MVB12B: variants seen among roughly 807,000 people sequenced by gnomAD.
MVB12B encodes ESCRT-I complex subunit MVB12B.
A neutral mutation model predicts 41.6 loss-of-function variants in MVB12B; 16 were observed. That is an observed-to-expected ratio of 0.38 (90% CI 0.26 to 0.58). MVB12B has a LOEUF of 0.58. MVB12B is among the 20% of genes least tolerant of loss of function. The probability of loss-of-function intolerance (pLI) is 0.62; values close to 1 mark genes in which losing one functional copy is unlikely to be tolerated. For synonymous variants in MVB12B, 133 were observed against 139.7 expected, an observed-to-expected ratio of 0.95 and a Z score of 0.34; for missense variants, 274 against 380.2, an observed-to-expected ratio of 0.72 and a Z score of 2.32.
intron 7 of MVB12B, among the ~76,000 whole-genome samples, chr9:126,453,692 G>A (rs1325628737): frequency 2.6e-5 from 4 of 152,180 alleles, no homozygotes; most frequent in Admixed American, 2.0e-4. Context: ...GCGTTACGTG[G>A]CACATGCATA....
chr9:126,431,613 C>T (rs1014128055), intron 7 of MVB12B, among the ~76,000 whole-genome samples: 1 of 152,150 alleles, frequency 6.6e-6, no homozygotes, highest in Non-Finnish European at 1.5e-5. Context: ...CTTTCCTTCT[C>T]TTTTTGGTTT....
intron 2 of MVB12B, among the ~76,000 whole-genome samples, chr9:126,347,077 A>G (rs1829611816): frequency 6.6e-6 from 1 of 152,258 alleles, no homozygotes; most frequent in Non-Finnish European, 1.5e-5. Context: ...TGTTAAAGGT[A>G]GGAAAGTGTC....
At chr9:126,344,179 G>T (rs1829527404) in intron 2 of MVB12B, among the ~76,000 whole-genome samples, 1 of 152,132 alleles carries the variant, frequency 6.6e-6, no homozygotes, top group Non-Finnish European at 1.5e-5. Context: ...TAGGAGCTGG[G>T]GAGACAGCGA....
rs1199284971 is a variant in MVB12B, at chr9:126,391,413, C to T, written c.410-653C>T. ...CCAGATGCAGACAGACTGGAGAAAA[C>T]GTGGATGTAGACTCTCTGTTGGATG... On this transcript the variant is annotated intron_variant, in intron 4 of 9. Coordinates refer to ENST00000361171, the MANE Select transcript of MVB12B (RefSeq NM_033446.3). This position sits in a 1 kb window ranked among gnomAD's most constrained non-coding sequence, Gnocchi z 4.4. 6.6e-6 allele frequency among the ~76,000 whole-genome samples: 1 copy of T among 152,138 alleles called. No homozygotes were observed. Among genetic ancestry groups the T allele is most frequent in the Non-Finnish European group, 1.5e-5 (1 of 68,020 alleles).
rs990032258 is a variant in MVB12B, at chr9:126,385,139, C to T, written c.313-1423C>T. Among the ~76,000 whole-genome samples, 4 of 152,238 alleles carry T rather than the reference C, an allele frequency of 2.6e-5. No homozygotes were observed. The East Asian group carries it at 7.7e-4, about 29-fold the overall frequency. ...GGCATGAGCAACAGCGCCCGGCCTC[C>T]AGTTCGATTTGTGACTCTGAGTGGC... is the stretch of plus-strand genomic sequence containing the variant. On this transcript the variant is annotated intron_variant, in intron 3 of 9. Coordinates refer to ENST00000361171, the MANE Select transcript of MVB12B (RefSeq NM_033446.3).
At chr9:126,350,454 TATAGTTTTAC>T in intron 2 of MVB12B, among the ~76,000 whole-genome samples, 1 of 152,368 alleles carries the variant, frequency 6.6e-6, no homozygotes, top group South Asian at 2.1e-4. Context: ...CTACAACTTT[TATAGTTTTAC>T]ATTAACACTT....
At chr9:126,332,217 G>C (rs1829150778) in intron 1 of MVB12B, among the ~76,000 whole-genome samples, 1 of 151,974 alleles carries the variant, frequency 6.6e-6, no homozygotes, top group Non-Finnish European at 1.5e-5. Context: ...ACCTTTCCCT[G>C]CGTCACCAGG....
chr9:126,462,554 G>A (rs1833111526), intron 7 of MVB12B, among the ~76,000 whole-genome samples: 1 of 152,174 alleles, frequency 6.6e-6, no homozygotes, highest in Non-Finnish European at 1.5e-5. Context: ...AGGAACAAGT[G>A]CTTATTATAC....
Position 126,376,298 on chromosome 9 carries a change from A to G in MVB12B, c.205-4766A>G. 2.8e-6 allele frequency: 1 copy of G among 351,976 alleles called. No homozygotes were observed. Among genetic ancestry groups the G allele is most frequent in the Non-Finnish European group, 5.6e-6 (1 of 177,082 alleles). 21.8% of individuals were successfully genotyped at this position (351,976 alleles called of 1,614,324 possible). A position where few individuals can be genotyped will look rare whatever the true frequency, so the allele number is the denominator to read the frequency against. On this transcript the variant is annotated intron_variant, in intron 2 of 9. Coordinates refer to ENST00000361171, the MANE Select transcript of MVB12B (RefSeq NM_033446.3). The surrounding 1 kb of genome is among the most constrained non-coding windows in gnomAD (Gnocchi z 4.1). Reference sequence around the variant, plus strand: ...CTCATCCCTCTGAGGATTTAATTACAGACTGGGTTCTCTGTCCTGAGCCGG... The same window carrying G: ...CTCATCCCTCTGAGGATTTAATTACGGACTGGGTTCTCTGTCCTGAGCCGG...
At chr9:126,457,520 A>G (rs555676053) in intron 7 of MVB12B, among the ~76,000 whole-genome samples, 1 of 152,066 alleles carries the variant, frequency 6.6e-6, no homozygotes, top group African/African-American at 2.4e-5. Context: ...TTATTTTTTT[A>G]AATTATTTTA....
intron 7 of MVB12B, among the ~76,000 whole-genome samples, chr9:126,458,782 CAG>C (rs775077498): frequency 2.2e-4 from 33 of 152,154 alleles, no homozygotes; most frequent in Non-Finnish European, 8.8e-5. Context: ...AGTCATTACT[CAG>C]GGAAGCACAG....
chr9:126,436,340 G>A lies in MVB12B; in HGVS notation c.757+14392G>A, dbSNP rs1242666571. 6.6e-6 allele frequency among the ~76,000 whole-genome samples: 1 copy of A among 152,168 alleles called. No individual in the cohort carries two copies. The highest frequency in any genetic ancestry group is 2.4e-5 in the African/African-American group (1 of 41,432). On this transcript the variant is annotated intron_variant, in intron 7 of 9. Transcript: ENST00000361171. This position sits in a 1 kb window ranked among gnomAD's most constrained non-coding sequence, Gnocchi z 4.1. ...TTAGGAACACTCTTAGGTTTTAATT[G>A]GATTGGGAAAAAGAACCTACAAGTT...
chr9:126,328,729 T>A (rs1829048661), intron 1 of MVB12B, among the ~76,000 whole-genome samples: 2 of 152,134 alleles, frequency 1.3e-5, no homozygotes, highest in African/African-American at 4.8e-5. Flanking sequence ...AACGGATGAA[T>A]GAGAGGAGTA....
intron 7 of MVB12B, among the ~76,000 whole-genome samples, chr9:126,426,575 CT>C (rs994080589): frequency 8.7e-5 from 13 of 149,678 alleles, no homozygotes; most frequent in South Asian, 4.2e-4. Context: ...GGCACCCTAC[CT>C]TTTTTTTTTC....
Position 126,503,503 on chromosome 9 carries a change from C to T in MVB12B, c.*240C>T, listed in dbSNP as rs772287640. 22 of 559,306 alleles carry T rather than the reference C, an allele frequency of 3.9e-5. No homozygotes were observed. The highest frequency in any genetic ancestry group is 6.7e-5 in the Non-Finnish European group (21 of 314,506). 34.6% of individuals were successfully genotyped at this position (559,306 alleles called of 1,614,324 possible). A position where few individuals can be genotyped will look rare whatever the true frequency, so the allele number is the denominator to read the frequency against. On this transcript the variant is annotated 3_prime_UTR_variant, in exon 10 of 10. Coordinates refer to ENST00000361171, the MANE Select transcript of MVB12B (RefSeq NM_033446.3). ...GACTAATCTGTGTGTGCTGTAGTGA[C>T]CAGCGGCTCCTAACGTGTCTGTGTG...
rs983800134 is a variant in MVB12B at position 126,356,357 on chromosome 9, G to A, written c.204+15727G>A. 2.6e-5 allele frequency among the ~76,000 whole-genome samples: 4 copies of A among 152,108 alleles called. No homozygotes were observed. In the South Asian group the frequency reaches 6.2e-4, roughly 24 times the overall value. On this transcript the variant is annotated intron_variant, in intron 2 of 9. Coordinates refer to ENST00000361171, the MANE Select transcript of MVB12B (RefSeq NM_033446.3). The stretch of plus-strand genomic sequence containing the variant: ...TTAGGTCTTGTTTTGGTACTTCTTA[G>A]TTAAGTTTTAAAGTATCCCACAGAT...
rs1833680885 is a variant in MVB12B at position 126,489,176 on chromosome 9, C to T, written c.873+5144C>T. On this transcript the variant is annotated intron_variant, in intron 9 of 9. Coordinates refer to ENST00000361171, the MANE Select transcript of MVB12B (RefSeq NM_033446.3). ...AAGGGGAATGAGCCCATTCAGATGC[C>T]GGTGTCTGCAGGGACCCTCATGGGC... 2.0e-5 allele frequency among the ~76,000 whole-genome samples: 3 copies of T among 152,240 alleles called. No homozygotes were observed. The South Asian group carries it at 6.2e-4, about 31-fold the overall frequency.
rs930179327 is a variant in MVB12B, at chr9:126,367,300, C to A, written c.205-13764C>A. Among the ~76,000 whole-genome samples the A allele has an allele frequency of 2.0e-5, 3 of 152,046 alleles. No homozygotes were observed. The highest frequency in any genetic ancestry group is 4.4e-5 in the Non-Finnish European group (3 of 67,994). On this transcript the variant is annotated intron_variant, in intron 2 of 9. Coordinates refer to ENST00000361171, the MANE Select transcript of MVB12B (RefSeq NM_033446.3). The surrounding 1 kb of genome is among the most constrained non-coding windows in gnomAD (Gnocchi z 4.3). ...GGGCAGGTCCTAAGACAGCACCTGC[C>A]CTGCAGCCTCCCAGGTTCCAGCTCC...
At chr9:126,384,412 G>A (rs183562305) in intron 3 of MVB12B, among the ~76,000 whole-genome samples, 132 of 152,044 alleles carry the variant, frequency 8.7e-4, no homozygotes, top group Non-Finnish European at 1.7e-3. Context: ...TCTAATAATT[G>A]GTTTCATTTG....
Sources: gnomAD v4.1 joint callset for allele counts (sites outside exome capture counted in the v4.1 genomes callset) on GRCh38, gnomAD v4.1.1 for gene constraint, Gnocchi (gnomAD v3.1) non-coding constraint, MANE v1.5 for transcripts, NCBI Gene and HGNC (gene_info 2026-07-23, HGNC 2026-07-21) for gene names.